The following WDFY2 variants were observed in gnomAD, a reference collection of about 807,000 sequenced individuals.
The protein encoded by WDFY2 is WD repeat and FYVE domain-containing protein 2.
A neutral mutation model predicts 56.4 loss-of-function variants in WDFY2; 36 were observed. The observed-to-expected ratio is 0.64, with a 90% CI of 0.49 to 0.84. The LOEUF (loss-of-function observed/expected upper bound fraction) is 0.84. Among genes scored for constraint, WDFY2 ranks in the 40% least tolerant of loss-of-function variants. The probability of loss-of-function intolerance (pLI) is 0.00; values close to 1 mark genes in which losing one functional copy is unlikely to be tolerated. For missense variants in WDFY2, 444 were observed against 512.2 expected (o/e 0.87, Z 1.29); for synonymous variants, 176 against 183.7 (o/e 0.96, Z 0.34).
chr13:51,586,485 TA>T (rs1433572720), intron 1 of WDFY2: 1 of 154,050 alleles, frequency 6.5e-6, no homozygotes. Flanking sequence ...GTTCAATCTG[TA>T]ACTGACTGTG....
rs546621185 is a variant in WDFY2 at position 51,672,305 on chromosome 13, G to A, written c.206-2865G>A. 1.1e-4 allele frequency among the ~76,000 whole-genome samples: 16 copies of A among 152,232 alleles called. No homozygotes were observed. In the East Asian group the frequency reaches 2.9e-3, roughly 28 times the overall value. On this transcript the variant is annotated intron_variant, in intron 2 of 11. Transcript: ENST00000298125. ...CCCAGCGCTGTTTGTCGAATAGGGT[G>A]TCCTTTTTCCACTTTATGTTTTGTT...
chr13:51,662,992 G>T (rs1395622027), intron 2 of WDFY2, among the ~76,000 whole-genome samples: 1 of 152,128 alleles, frequency 6.6e-6, no homozygotes, highest in Non-Finnish European at 1.5e-5. Context: ...ATCAAAATCT[G>T]CATTTAACAA....
intron 3 of WDFY2, among the ~76,000 whole-genome samples, chr13:51,677,099 A>G (rs952917299): frequency 9.9e-5 from 15 of 152,214 alleles, no homozygotes; most frequent in African/African-American, 3.4e-4. Flanking sequence ...TATTTATTGT[A>G]TATAAGAGGC....
intron 2 of WDFY2, among the ~76,000 whole-genome samples, chr13:51,673,691 A>G (rs973885992): frequency 9.2e-5 from 14 of 152,168 alleles, no homozygotes; most frequent in African/African-American, 3.4e-4. Flanking sequence ...GCATCTTAAT[A>G]TTGTATAGAA....
rs1214599559 is a variant in WDFY2 at position 51,762,925 on chromosome 13, T to C, written c.*3156T>C. The stretch of plus-strand genomic sequence containing the variant: ...ACATTACTTGACATTACTGCCTGAG[T>C]GTATCTTCACAATAGCAAAATGGTT... On this transcript the variant is annotated 3_prime_UTR_variant, in exon 12 of 12. Transcript: ENST00000298125. 6.6e-6 allele frequency: 1 copy of C among 152,212 alleles called. No individual in the cohort carries two copies. Among genetic ancestry groups the C allele is most frequent in the East Asian group, 1.9e-4 (1 of 5,206 alleles). 9.4% of individuals were successfully genotyped at this position (152,212 alleles called of 1,614,324 possible).
intron 6 of WDFY2, among the ~76,000 whole-genome samples, chr13:51,733,184 C>T (rs553695262): frequency 2.2e-4 from 34 of 152,198 alleles, no homozygotes; most frequent in Admixed American, 4.6e-4. Flanking sequence ...TACAGGTGCA[C>T]GCCACCACAC....
chr13:51,640,500 A>G (rs1955134751), intron 1 of WDFY2, among the ~76,000 whole-genome samples: 1 of 152,194 alleles, frequency 6.6e-6, no homozygotes, highest in African/African-American at 2.4e-5. Context: ...GCTACAGTAC[A>G]TATCTATAAA....
At chr13:51,633,925 G>A (rs988280128) in intron 1 of WDFY2, among the ~76,000 whole-genome samples, 8 of 152,144 alleles carry the variant, frequency 5.3e-5, no homozygotes, top group South Asian at 2.1e-4. Context: ...TTAATCTGGT[G>A]CAGTGCCACA....
chr13:51,632,434 T>C (rs1307370982), intron 1 of WDFY2, among the ~76,000 whole-genome samples: 1 of 152,196 alleles, frequency 6.6e-6, no homozygotes, highest in African/African-American at 2.4e-5. Flanking sequence ...ACAGATTTGA[T>C]CTTCTACCAT....
chr13:51,693,553 T>C (rs1224506244), intron 3 of WDFY2, among the ~76,000 whole-genome samples: 2 of 152,186 alleles, frequency 1.3e-5, no homozygotes, highest in African/African-American at 4.8e-5. Flanking sequence ...AGAGACAGTT[T>C]GTTATAATTT....
chr13:51,666,854 G>C (rs1215429893), intron 2 of WDFY2, among the ~76,000 whole-genome samples: 1 of 152,104 alleles, frequency 6.6e-6, no homozygotes, highest in Non-Finnish European at 1.5e-5. Flanking sequence ...TCTTAGTTAA[G>C]ATATCTATGG....
chr13:51,604,358 C>G (rs963003759), intron 1 of WDFY2, among the ~76,000 whole-genome samples: 1 of 152,102 alleles, frequency 6.6e-6, no homozygotes, highest in Non-Finnish European at 1.5e-5. Context: ...TCTGCTTCTG[C>G]CAAACAGAAA....
intron 1 of WDFY2, among the ~76,000 whole-genome samples, chr13:51,659,792 T>A (rs1955577262): frequency 6.6e-6 from 1 of 152,230 alleles, no homozygotes; most frequent in Admixed American, 6.5e-5. Context: ...TTATAATTAC[T>A]TGAGCATGTT....
At chr13:51,699,498 G>A (rs548746624) in intron 3 of WDFY2, among the ~76,000 whole-genome samples, 5 of 152,232 alleles carry the variant, frequency 3.3e-5, no homozygotes, top group African/African-American at 9.6e-5. Context: ...TTTGCTTCAC[G>A]CTGTTTTTCA....
At chr13:51,637,908 T>G (rs1438519967) in intron 1 of WDFY2, among the ~76,000 whole-genome samples, 9 of 152,246 alleles carry the variant, frequency 5.9e-5, no homozygotes, top group African/African-American at 2.2e-4. Flanking sequence ...CTCCCAAGTC[T>G]GGGTCTGTTT....
At chr13:51,727,822 A>C (rs369779528) in intron 6 of WDFY2, 32 bp downstream of exon 6, 77 of 1,576,020 alleles carry the variant, frequency 4.9e-5, no homozygotes, top group Non-Finnish European at 6.5e-5. Context: ...TCATGTGCTG[A>C]TAGCACAGTG....
At chr13:51,749,678 G>C (rs1953183106) in intron 7 of WDFY2, among the ~76,000 whole-genome samples, 1 of 151,968 alleles carries the variant, frequency 6.6e-6, no homozygotes, top group African/African-American at 2.4e-5. Context: ...CTATAGCATA[G>C]AAAAATAAGA....
In WDFY2 at chr13:51,763,934, T is replaced by C. The variant is rs1953667537; in HGVS notation, c.*4165T>C. ...TAAATATTCACTAAATGAGATTCCT[T>C]TGGTTATGGCTGTTCATAGAATTTT... On this transcript the variant is annotated 3_prime_UTR_variant, in exon 12 of 12. Coordinates refer to ENST00000298125, the MANE Select transcript of WDFY2 (RefSeq NM_052950.4). The C allele has an allele frequency of 6.6e-6, 1 of 152,226 alleles. No individual in the cohort carries two copies. The highest frequency in any genetic ancestry group is 6.5e-5 in the Admixed American group (1 of 15,278). The allele number at this position is 152,226 out of a possible 1,614,324, so 9.4% of individuals were successfully genotyped here. A position where few individuals can be genotyped will look rare whatever the true frequency, so the allele number is the denominator to read the frequency against.
chr13:51,622,731 C>CA (rs1954757146), intron 1 of WDFY2, among the ~76,000 whole-genome samples: 1 of 151,666 alleles, frequency 6.6e-6, no homozygotes, highest in African/African-American at 2.4e-5. Context: ...AAAAAGTTCA[C>CA]AATTCAGTCA....
Sources: gnomAD v4.1 joint callset for allele counts (sites outside exome capture counted in the v4.1 genomes callset) on GRCh38, gnomAD v4.1.1 for gene constraint, MANE v1.5 for transcripts, NCBI Gene and HGNC (gene_info 2026-07-23, HGNC 2026-07-21) for gene names.